STAT4: variants seen among roughly 807,000 people sequenced by gnomAD.
STAT4 encodes the protein signal transducer and activator of transcription 4.
In STAT4, 42 loss-of-function variants were observed where a neutral mutation model predicts 110.5. That is an observed-to-expected ratio of 0.38 (90% CI 0.30 to 0.49). The LOEUF (loss-of-function observed/expected upper bound fraction) is 0.49, where lower values mean the gene tolerates loss of function less well. STAT4 is among the 20% of genes least tolerant of loss of function. The pLI, the probability that STAT4 is intolerant of heterozygous loss-of-function variation, is 0.95. For synonymous variants in STAT4, 284 were observed against 302.2 expected (o/e 0.94, Z 0.63); for missense variants, 632 against 887.9 (o/e 0.71, Z 3.66).
Position 191,061,902 on chromosome 2 carries a change from A to G in STAT4, c.942-81T>C. The G allele has an allele frequency of 1.5e-6, 2 of 1,354,866 alleles. No homozygotes were observed. The highest frequency in any genetic ancestry group is 2.1e-6 in the Non-Finnish European group (2 of 964,774). The allele number at this position is 1,354,866 out of a possible 1,614,324, so 83.9% of individuals were successfully genotyped here. The stretch of plus-strand genomic sequence containing the variant: ...GAAAACCACAGAGGAACAGGATGCT[A>G]TCCACTCAAAGTCCAAATTTTCTAC... On this transcript the variant is annotated intron_variant, in intron 9 of 23. Transcript: ENST00000392320. The surrounding 1 kb of genome is among the most constrained non-coding windows in gnomAD (Gnocchi z 6.2).
intron 3 of STAT4, among the ~76,000 whole-genome samples, chr2:191,145,220 AAAC>A (rs1699431866): frequency 6.6e-6 from 1 of 152,328 alleles, no homozygotes; most frequent in South Asian, 2.1e-4. Flanking sequence ...AAGCAATCAT[AAAC>A]AATATGTAAA....
chr2:191,087,550 C>A (rs182330819), intron 3 of STAT4, among the ~76,000 whole-genome samples: 4 of 152,094 alleles, frequency 2.6e-5, no homozygotes, highest in Admixed American at 2.6e-4. Flanking sequence ...GAGTCTGAGG[C>A]CTTTAAAAAT....
At chr2:191,049,656 A>T (rs1480746312) in intron 14 of STAT4, among the ~76,000 whole-genome samples, 1 of 152,214 alleles carries the variant, frequency 6.6e-6, no homozygotes, top group East Asian at 1.9e-4. Context: ...TCATTTAGTG[A>T]ATATTTATTG....
chr2:191,132,230 T>G (rs1354957460), intron 3 of STAT4, among the ~76,000 whole-genome samples: 1 of 151,752 alleles, frequency 6.6e-6, no homozygotes, highest in African/African-American at 2.4e-5. Context: ...AGCTTCAACA[T>G]CACTCCTAAC....
chr2:191,069,475 T>C (rs1697083658), intron 6 of STAT4, among the ~76,000 whole-genome samples: 1 of 152,024 alleles, frequency 6.6e-6, no homozygotes, highest in African/African-American at 2.4e-5. Flanking sequence ...TTACTTGGAA[T>C]TGGTTGGATA....
Position 191,051,011 on chromosome 2 carries a change from T to G in STAT4, c.1251+3479A>C, listed in dbSNP as rs1696508271. On this transcript the variant is annotated intron_variant, in intron 14 of 23. Coordinates refer to ENST00000392320, the MANE Select transcript of STAT4 (RefSeq NM_003151.4). The surrounding 1 kb of genome is among the most constrained non-coding windows in gnomAD (Gnocchi z 5.6). ...AAAGTCTTACAACCAAAAAGTAGAA[T>G]GGAGCGACCCAAAATTGTGTGTGTG... Among the ~76,000 whole-genome samples the G allele has an allele frequency of 2.0e-5, 3 of 152,172 alleles. No homozygotes were observed. Among genetic ancestry groups the G allele is most frequent in the African/African-American group, 4.8e-5 (2 of 41,438 alleles).
intron 13 of STAT4, among the ~76,000 whole-genome samples, chr2:191,057,199 A>T (rs568301719): frequency 2.6e-5 from 4 of 152,188 alleles, no homozygotes; most frequent in African/African-American, 9.6e-5. Flanking sequence ...TCTGGTAACT[A>T]CCATTCGACT....
intron 3 of STAT4, among the ~76,000 whole-genome samples, chr2:191,098,434 T>C (rs1031949037): frequency 6.6e-6 from 1 of 152,054 alleles, no homozygotes; most frequent in East Asian, 1.9e-4. Flanking sequence ...TATGCAGCCA[T>C]AAAAAAGGAT....
At chr2:191,069,846 T>A in intron 5 of STAT4, 75 bp from the exon 6 acceptor site, 1 of 1,200,596 alleles carries the variant, frequency 8.3e-7, no homozygotes, top group Non-Finnish European at 1.2e-6. Flanking sequence ...ATAAGTATTT[T>A]AAAAAACTGC....
In STAT4 at chr2:191,034,002, G is replaced by A. The variant is rs765178000; in HGVS notation, c.1624C>T (p.His542Tyr). 57 of 1,594,994 alleles carry A rather than the reference G, an allele frequency of 3.6e-5. No homozygotes were observed. The highest frequency in any genetic ancestry group is 6.8e-5 in the South Asian group (6 of 88,866). The change falls in exon 19 of 24, where the codon CAT becomes TAT. Residue 542 changes from histidine to tyrosine, a missense_variant. Coordinates refer to ENST00000392320, the MANE Select transcript of STAT4 (RefSeq NM_003151.4). ...AAGGTAAATGATTTACCAGGTAAATGTTCCTACAGGAATAGACAAGCACAT... is the reference window on the plus strand; with the variant it reads ...AAGGTAAATGATTTACCAGGTAAATATTCCTACAGGAATAGACAAGCACAT... ...HLTWAKFCKE[H>Y]LPGKSFTFWT...
chr2:191,048,267 G>A (rs986158297), intron 14 of STAT4, among the ~76,000 whole-genome samples: 8 of 152,136 alleles, frequency 5.3e-5, no homozygotes, highest in Non-Finnish European at 1.0e-4. Context: ...GCAATTGTGA[G>A]GCACATTTAG....
In STAT4 at chr2:191,050,277, T is replaced by C. The variant is rs1696483721; in HGVS notation, c.1251+4213A>G. On this transcript the variant is annotated intron_variant, in intron 14 of 23. Transcript: ENST00000392320. The surrounding 1 kb of genome is among the most constrained non-coding windows in gnomAD (Gnocchi z 4.3). Reference sequence around the variant, plus strand: ...GTACCTCCAGGGAAAGGTTGCTTCCTGGGAATGTTTATTTTACAGGAACAG... The same window carrying C: ...GTACCTCCAGGGAAAGGTTGCTTCCCGGGAATGTTTATTTTACAGGAACAG... Among the ~76,000 whole-genome samples the C allele has an allele frequency of 6.6e-6, 1 of 152,232 alleles. No homozygotes were observed. Among genetic ancestry groups the C allele is most frequent in the African/African-American group, 2.4e-5 (1 of 41,460 alleles).
chr2:191,033,248 T>C lies in STAT4; in HGVS notation c.1853-99A>G. On this transcript the variant is annotated intron_variant, in intron 20 of 23. Transcript: ENST00000392320. The surrounding 1 kb of genome is among the most constrained non-coding windows in gnomAD (Gnocchi z 6.9). The stretch of plus-strand genomic sequence containing the variant: ...ATTATCTTCATGCCACTGGAGTGAC[T>C]TGTCAGTTCATGTCACTTCAATGTC... 1.5e-6 allele frequency: 2 copies of C among 1,292,044 alleles called. No homozygotes were observed. Among genetic ancestry groups the C allele is most frequent in the Non-Finnish European group, 2.1e-6 (2 of 935,884 alleles). 80.0% of individuals were successfully genotyped at this position (1,292,044 alleles called of 1,614,324 possible). A position where few individuals can be genotyped will look rare whatever the true frequency, so the allele number is the denominator to read the frequency against.
chr2:191,044,612 G>A lies in STAT4; in HGVS notation c.1252-3464C>T, dbSNP rs73981218. Among the ~76,000 whole-genome samples, 996 of 152,234 alleles carry A rather than the reference G, an allele frequency of 6.5e-3. 9 individuals carry two copies. Among genetic ancestry groups the A allele is most frequent in the African/African-American group, 0.022 (933 of 41,526 alleles). On this transcript the variant is annotated intron_variant, in intron 14 of 23. Coordinates refer to ENST00000392320, the MANE Select transcript of STAT4 (RefSeq NM_003151.4). ...AGGAGAAGGGGGTGGGACTCCCTAG[G>A]ATAACGGTGAAAGGGAGTTTCAAAA...
At chr2:191,068,615 T>C (rs1697059398) in intron 6 of STAT4, 1 of 152,122 alleles carries the variant, frequency 6.6e-6, no homozygotes, top group Admixed American at 6.6e-5. Flanking sequence ...AAAGTTTATA[T>C]CTGATTATTT....
chr2:191,084,079 A>G (rs1378775012), intron 3 of STAT4, among the ~76,000 whole-genome samples: 2 of 151,910 alleles, frequency 1.3e-5, no homozygotes, highest in Non-Finnish European at 2.9e-5. Flanking sequence ...CTGACCAACA[A>G]GGTGAAACCC....
rs1305781292 is a variant in STAT4 at position 191,069,757 on chromosome 2, A to G, written c.480T>C (p.Asp160=). The change falls in exon 6 of 24, where the codon GAT becomes GAC. Residue 160 remains aspartate, a synonymous_variant. Transcript: ENST00000392320. ...IKNSVQMTEQ[D]TKYLEDLQDE... ...CTTGCAGATCTTCTAAGTATTTGGT[A>G]TCTTGTTCTGTCATCTTTTCACAAA... 4 of 1,608,952 alleles carry G rather than the reference A, an allele frequency of 2.5e-6. No individual in the cohort carries two copies. Among genetic ancestry groups the G allele is most frequent in the Non-Finnish European group, 2.5e-6 (3 of 1,178,112 alleles).
rs1696127871 is a variant in STAT4 at position 191,039,386 on chromosome 2, C to T, written c.1336-89G>A. Reference sequence around the variant, plus strand: ...TGACCCTCGCCTCTAAAGGGCCAATCTCAAGCCAGCCCCACACCTCCAGTC... The same window carrying T: ...TGACCCTCGCCTCTAAAGGGCCAATTTCAAGCCAGCCCCACACCTCCAGTC... On this transcript the variant is annotated intron_variant, in intron 15 of 23. Transcript: ENST00000392320. This position sits in a 1 kb window ranked among gnomAD's most constrained non-coding sequence, Gnocchi z 4.7. 1 of 1,097,884 alleles carries T rather than the reference C, an allele frequency of 9.1e-7. No homozygotes were observed. The allele number at this position is 1,097,884 out of a possible 1,614,324, so 68.0% of individuals were successfully genotyped here.
rs1444471536 is a variant in STAT4 at position 191,032,964 on chromosome 2, A to G, written c.2038T>C (p.Cys680Arg). 3 of 1,595,626 alleles carry G rather than the reference A, an allele frequency of 1.9e-6. No individual in the cohort carries two copies. The highest frequency in any genetic ancestry group is 2.6e-6 in the Non-Finnish European group (3 of 1,174,600). ...ACAAACAGAAAAACCTAACCTTCGC[A>G]AGGCTGAGAGCTGTAGTGTTTACCG... ...AFGKHYSSQP[C>R]EVSRPTERGD... Residue 680 changes from cysteine (C) to arginine (R), a missense_variant, in exon 21 of 24, where the codon TGC (cysteine) becomes CGC (arginine). Around this residue, in one of 4 missense-constraint regions of STAT4, gnomAD observed 38 missense variants for 33.2 expected, o/e 1.15. Coordinates refer to ENST00000392320, the MANE Select transcript of STAT4 (RefSeq NM_003151.4). The surrounding 1 kb of genome is among the most constrained non-coding windows in gnomAD (Gnocchi z 4.9).
Sources: allele counts gnomAD v4.1 joint callset (sites outside exome capture counted in the v4.1 genomes callset), GRCh38; gene constraint gnomAD v4.1.1; regional missense constraint gnomAD v4.1.1; non-coding constraint Gnocchi (gnomAD v3.1); transcripts MANE v1.5; gene names NCBI Gene and HGNC (gene_info 2026-07-23, HGNC 2026-07-21).